PTPDC1: variants seen among roughly 807,000 people sequenced by gnomAD.
PTPDC1 encodes protein tyrosine phosphatase domain-containing protein 1.
In PTPDC1, 53 loss-of-function variants were observed where a neutral mutation model predicts 75.3. The ratio of observed to expected loss-of-function variants is 0.70; its 90% CI spans 0.56 to 0.88. The LOEUF is 0.88. Among genes scored for constraint, PTPDC1 ranks in the 40% least tolerant of loss-of-function variants. The pLI, the probability that PTPDC1 is intolerant of heterozygous loss-of-function variation, is 0.00. For synonymous variants in PTPDC1, 349 were observed against 366.2 expected (o/e 0.95, Z 0.54); for missense variants, 925 against 998.6 (o/e 0.93, Z 0.99).
chr9:94,073,792 T>C (rs1232314059), intron 2 of PTPDC1, among the ~76,000 whole-genome samples: 1 of 152,296 alleles, frequency 6.6e-6, no homozygotes, highest in East Asian at 1.9e-4. Context: ...ATATTTTCAT[T>C]TTATTCAGTT....
At chr9:94,039,921 T>G (rs1174779918) in intron 1 of PTPDC1, among the ~76,000 whole-genome samples, 12 of 152,170 alleles carry the variant, frequency 7.9e-5, no homozygotes, top group Non-Finnish European at 1.5e-5. Flanking sequence ...TTGTTAAAAA[T>G]CAAATTTTGA....
chr9:94,092,178 G>T (rs552406642), intron 4 of PTPDC1, among the ~76,000 whole-genome samples: 1 of 151,268 alleles, frequency 6.6e-6, no homozygotes, highest in Non-Finnish European at 1.5e-5. Flanking sequence ...GTGATGTTAG[G>T]TTGTCAATTT....
At position 94,097,598 on chromosome 9, in the gene PTPDC1, C is replaced by T. The variant is rs199970615; in HGVS notation, c.1032C>T (p.His344=). 14 of 1,613,998 alleles carry T rather than the reference C, an allele frequency of 8.7e-6. No individual in the cohort carries two copies. The African/African-American group carries it at 1.5e-4, about 17-fold the overall frequency. The change falls in exon 6 of 9, where the codon CAC becomes CAT. Residue 344 remains histidine (H), a synonymous_variant. Transcript: ENST00000620992. The part of the protein sequence containing the change: ...RLLKHVPKII[H]LVCKLLLDLA... ...TGAAACACGTGCCAAAAATTATCCACCTAGTTTGCAAATTGCTGCTGGACT... is the reference window on the plus strand; with the variant it reads ...TGAAACACGTGCCAAAAATTATCCATCTAGTTTGCAAATTGCTGCTGGACT...
chr9:94,067,838 G>A (rs926743682), intron 2 of PTPDC1, among the ~76,000 whole-genome samples: 1 of 152,164 alleles, frequency 6.6e-6, no homozygotes, highest in African/African-American at 2.4e-5. Context: ...CTGGCCTCAG[G>A]TGATCCACCT....
intron 1 of PTPDC1, among the ~76,000 whole-genome samples, chr9:94,048,401 T>G (rs1351263963): frequency 6.6e-6 from 1 of 152,256 alleles, no homozygotes; most frequent in African/African-American, 2.4e-5. Context: ...TCTTGTATGT[T>G]GTGTCTTTGT....
chr9:94,042,305 C>G (rs1215172799), intron 1 of PTPDC1, among the ~76,000 whole-genome samples: 1 of 152,024 alleles, frequency 6.6e-6, no homozygotes, highest in African/African-American at 2.4e-5. Context: ...TCTTAAACTG[C>G]AGTCTCCCCA....
At chr9:94,036,023 G>GTTTTTTTTTTT (rs200873026) in intron 1 of PTPDC1, among the ~76,000 whole-genome samples, 27 of 85,542 alleles carry the variant, frequency 3.2e-4, no homozygotes, top group African/African-American at 4.2e-4. Flanking sequence ...CGGATTATTT[G>GTTTTTTTTTTT]TTTTTTTTTT....
At chr9:94,105,783 A>G (rs954847203) in intron 8 of PTPDC1, among the ~76,000 whole-genome samples, 2 of 151,874 alleles carry the variant, frequency 1.3e-5, no homozygotes, top group African/African-American at 2.4e-5. Flanking sequence ...CCTGGATAAC[A>G]TGGTGAAACC....
At chr9:94,064,948 C>T in intron 2 of PTPDC1, 1 of 663,682 alleles carries the variant, frequency 1.5e-6, no homozygotes, top group South Asian at 1.9e-5. Flanking sequence ...GCAAGTATTA[C>T]TTACTGCCTT....
At chr9:94,092,637 C>CT (rs1827372251) in intron 4 of PTPDC1, among the ~76,000 whole-genome samples, 2 of 150,896 alleles carry the variant, frequency 1.3e-5, no homozygotes, top group South Asian at 4.2e-4. Context: ...CCTGGGTATC[C>CT]TTGTTGACTT....
At chr9:94,094,620 C>G (rs1002827277) in intron 4 of PTPDC1, among the ~76,000 whole-genome samples, 7 of 152,182 alleles carry the variant, frequency 4.6e-5, no homozygotes, top group African/African-American at 9.7e-5. Context: ...TCGAGCTTCC[C>G]GGCTGCTTTG....
chr9:94,043,573 G>A (rs979976489), intron 1 of PTPDC1, among the ~76,000 whole-genome samples: 1 of 151,954 alleles, frequency 6.6e-6, no homozygotes, highest in African/African-American at 2.4e-5. Flanking sequence ...TACAATAAAT[G>A]AGCCAGACGT....
At chr9:94,106,155 G>A (rs1007622462) in intron 8 of PTPDC1, among the ~76,000 whole-genome samples, 2 of 152,122 alleles carry the variant, frequency 1.3e-5, no homozygotes, top group Non-Finnish European at 2.9e-5. Context: ...CTTTTAAGGG[G>A]ATACGAATGA....
Position 94,104,335 on chromosome 9 carries a change from G to A in PTPDC1, c.2260G>A (p.Val754Met), listed in dbSNP as rs142594361. Residue 754 changes from valine (V) to methionine (M), a missense_variant, in exon 8 of 9, where the codon GTG becomes ATG. By Grantham distance (21) the Val-to-Met change is conservative. Transcript: ENST00000620992. ...CATAGTGAACCTGCAGACAATTCCC[G>A]TGGATGTGGAGGAAGCTTTCCTTGC... Reference protein sequence around the residue: ...HCIVNLQTIPVDVEEAFLAHA... With the variant: ...HCIVNLQTIPMDVEEAFLAHA... 90 of 1,613,858 alleles carry A rather than the reference G, an allele frequency of 5.6e-5. No homozygotes were observed. The highest frequency in any genetic ancestry group is 3.8e-4 in the East Asian group (17 of 44,876).
intron 1 of PTPDC1, among the ~76,000 whole-genome samples, chr9:94,051,587 T>G (rs1825793061): frequency 6.6e-6 from 1 of 152,220 alleles, no homozygotes; most frequent in African/African-American, 2.4e-5. Flanking sequence ...CATCTGAGTC[T>G]GTTGTTTTCC....
At chr9:94,079,505 A>G (rs1338806007), upstream of PTPDC1, among the ~76,000 whole-genome samples, 1 of 152,162 alleles carries the variant, frequency 6.6e-6, no homozygotes, top group Non-Finnish European at 1.5e-5. Context: ...AGGTTTGATC[A>G]TGCTCCATGA....
chr9:94,032,834 A>T (rs1452027749), intron 1 of PTPDC1, among the ~76,000 whole-genome samples: 1 of 151,720 alleles, frequency 6.6e-6, no homozygotes, highest in Non-Finnish European at 1.5e-5. Flanking sequence ...TCTTAAAAGC[A>T]CATCCTTTTT....
At chr9:94,047,847 A>T (rs1395320234) in intron 1 of PTPDC1, among the ~76,000 whole-genome samples, 9 of 152,200 alleles carry the variant, frequency 5.9e-5, no homozygotes, top group Admixed American at 5.2e-4. Context: ...CAACACATAC[A>T]TCCTCCCAAG....
chr9:94,095,685 A>G (rs918289259), intron 5 of PTPDC1, among the ~76,000 whole-genome samples: 1 of 152,340 alleles, frequency 6.6e-6, no homozygotes, highest in East Asian at 1.9e-4. Context: ...ACACAAATGC[A>G]TGATAAATGT....
Sources: gnomAD v4.1 joint callset for allele counts (sites outside exome capture counted in the v4.1 genomes callset) on GRCh38, gnomAD v4.1.1 for gene constraint, MANE v1.5 for transcripts, NCBI Gene and HGNC (gene_info 2026-07-23, HGNC 2026-07-21) for gene names.